The following CTNNA2 variants were observed in gnomAD, a reference collection of about 807,000 sequenced individuals.
The protein encoded by CTNNA2 is catenin alpha 2.
In CTNNA2, 42 loss-of-function variants were observed where a neutral mutation model predicts 101.0. The ratio of observed to expected loss-of-function variants is 0.42; its 90% CI spans 0.32 to 0.54. The LOEUF is 0.54. CTNNA2 is among the 20% of genes least tolerant of loss of function. The pLI, the probability that CTNNA2 is intolerant of heterozygous loss-of-function variation, is 0.14. For synonymous variants in CTNNA2, 450 were observed against 456.4 expected (o/e 0.99, Z 0.18); for missense variants, 871 against 1,223.1 (o/e 0.71, Z 4.29).
intron 4 of CTNNA2, among the ~76,000 whole-genome samples, chr2:79,376,171 G>A (rs561274288): frequency 6.6e-6 from 1 of 152,264 alleles, no homozygotes; most frequent in East Asian, 1.9e-4. Flanking sequence ...AAGAGTAGAG[G>A]ATGGGGAAGG....
chr2:79,619,240 A>T (rs1678843308), intron 1 of CTNNA2, among the ~76,000 whole-genome samples: 1 of 152,192 alleles, frequency 6.6e-6, no homozygotes, highest in South Asian at 2.1e-4. Flanking sequence ...ATACATTATC[A>T]GTTTTGAGAA....
chr2:80,327,325 A>G (rs993293135), intron 7 of CTNNA2, among the ~76,000 whole-genome samples: 14 of 152,232 alleles, frequency 9.2e-5, no homozygotes, highest in Admixed American at 7.9e-4. Flanking sequence ...GAGCAGGGAC[A>G]TGGGACGGAC....
chr2:79,435,657 A>C (rs1678704979), intron 4 of CTNNA2, among the ~76,000 whole-genome samples: 1 of 152,218 alleles, frequency 6.6e-6, no homozygotes, highest in South Asian at 2.1e-4. Context: ...AAGAAAAATA[A>C]CATGACACTT....
chr2:79,309,764 C>A (rs1676324532), intron 2 of CTNNA2, among the ~76,000 whole-genome samples: 1 of 152,124 alleles, frequency 6.6e-6, no homozygotes, highest in African/African-American at 2.4e-5. Context: ...TGTAATTCCA[C>A]TTTGATTTTT....
intron 3 of CTNNA2, among the ~76,000 whole-genome samples, chr2:79,799,605 T>A (rs1415439207): frequency 6.6e-6 from 1 of 152,198 alleles, no homozygotes; most frequent in Admixed American, 6.5e-5. Flanking sequence ...GGCTGATACA[T>A]CTTTGGAACA....
chr2:80,011,754 A>G (rs951561071), intron 7 of CTNNA2, among the ~76,000 whole-genome samples: 5 of 152,170 alleles, frequency 3.3e-5, no homozygotes, highest in Admixed American at 6.5e-5. Flanking sequence ...TTTTTCCCAT[A>G]TATGCTTTCA....
intron 11 of CTNNA2, among the ~76,000 whole-genome samples, chr2:80,548,479 C>T (rs1257843548): frequency 6.6e-6 from 1 of 152,110 alleles, no homozygotes; most frequent in Non-Finnish European, 1.5e-5. Flanking sequence ...TCCCCCGAGC[C>T]CTGCCTCTTT....
intron 1 of CTNNA2, among the ~76,000 whole-genome samples, chr2:79,538,612 A>G (rs1673217415): frequency 1.3e-5 from 2 of 152,194 alleles, no homozygotes; most frequent in East Asian, 1.9e-4. Flanking sequence ...AAATAGTAAC[A>G]TTCTATGGGA....
intron 18 of CTNNA2, among the ~76,000 whole-genome samples, chr2:80,639,050 T>G (rs578008405): frequency 1.6e-5 from 2 of 124,732 alleles, no homozygotes; most frequent in South Asian, 2.2e-4. Context: ...ATAACAGACC[T>G]CTTGTCCTCT....
chr2:79,370,304 C>G (rs183687523), intron 3 of CTNNA2, among the ~76,000 whole-genome samples: 1 of 152,314 alleles, frequency 6.6e-6, no homozygotes. Context: ...AGAGAAGAAA[C>G]TTGAAGCCCA....
intron 7 of CTNNA2, among the ~76,000 whole-genome samples, chr2:80,035,833 A>C (rs1425991605): frequency 2.0e-5 from 3 of 152,214 alleles, no homozygotes; most frequent in African/African-American, 7.2e-5. Context: ...AACATCTGGC[A>C]ATCAATTTTC....
chr2:79,657,021 G>A (rs953244352), intron 2 of CTNNA2, among the ~76,000 whole-genome samples: 16 of 149,614 alleles, frequency 1.1e-4, no homozygotes, highest in African/African-American at 3.2e-4. Flanking sequence ...AGAAAGAAAA[G>A]ATATAAAAAA....
chr2:80,116,267 A>G (rs972226950), intron 7 of CTNNA2, among the ~76,000 whole-genome samples: 6 of 151,328 alleles, frequency 4.0e-5, no homozygotes, highest in Non-Finnish European at 7.4e-5. Context: ...ATAGTTTACC[A>G]TGTGTTTAGA....
intron 2 of CTNNA2, among the ~76,000 whole-genome samples, chr2:79,244,559 T>G (rs1017857283): frequency 6.6e-6 from 1 of 152,146 alleles, no homozygotes; most frequent in Non-Finnish European, 1.5e-5. Context: ...GGAAAGGAAG[T>G]CCTAGCATAG....
chr2:80,528,806 T>TA (rs1258940687), intron 9 of CTNNA2, among the ~76,000 whole-genome samples: 1 of 152,244 alleles, frequency 6.6e-6, no homozygotes, highest in African/African-American at 2.4e-5. Context: ...GACATGTTTT[T>TA]ACACTGATTC....
intron 7 of CTNNA2, among the ~76,000 whole-genome samples, chr2:79,964,401 A>G (rs936720999): frequency 5.9e-5 from 9 of 151,984 alleles, no homozygotes; most frequent in African/African-American, 2.2e-4. Flanking sequence ...ACATTCAAAT[A>G]TGGGTTTGGA....
chr2:79,859,753 G>GA (rs1401470571), intron 4 of CTNNA2, among the ~76,000 whole-genome samples: 1 of 152,168 alleles, frequency 6.6e-6, no homozygotes, highest in African/African-American at 2.4e-5. Flanking sequence ...AGAGGCTGGT[G>GA]AAGGGCAGTA....
At chr2:80,224,092 G>A (rs1274616029) in intron 7 of CTNNA2, among the ~76,000 whole-genome samples, 1 of 152,046 alleles carries the variant, frequency 6.6e-6, no homozygotes, top group Non-Finnish European at 1.5e-5. Flanking sequence ...TAGCCCTCTT[G>A]ACACATAAAC....
At chr2:80,124,931 T>C (rs1238895222) in intron 7 of CTNNA2, among the ~76,000 whole-genome samples, 1 of 152,066 alleles carries the variant, frequency 6.6e-6, no homozygotes, top group Non-Finnish European at 1.5e-5. Flanking sequence ...ACGGAGGAGC[T>C]GAGAGTGGAG....
Sources: gnomAD v4.1 joint callset for allele counts (sites outside exome capture counted in the v4.1 genomes callset) on GRCh38, gnomAD v4.1.1 for gene constraint, MANE v1.5 for transcripts, NCBI Gene and HGNC (gene_info 2026-07-23, HGNC 2026-07-21) for gene names.